Variants in CCDC141 observed in about 807,000 individuals in gnomAD.
CCDC141 encodes the protein coiled-coil domain containing 141, also known as coiled-coil domain-containing protein 141.
In CCDC141, 168 loss-of-function variants were observed where a neutral mutation model predicts 181.0. That is an observed-to-expected ratio of 0.93 (90% CI 0.82 to 1.05). CCDC141 has a LOEUF of 1.05. CCDC141 is among the 50% of genes least tolerant of loss of function. CCDC141 has a pLI of 0.00. For synonymous variants in CCDC141, 666 were observed against 642.3 expected (o/e 1.04, Z -0.56); for missense variants, 1,902 against 1,788.5 (o/e 1.06, Z -1.14).
chr2:178,951,281 G>C (rs527603093), intron 5 of CCDC141, among the ~76,000 whole-genome samples: 2 of 152,330 alleles, frequency 1.3e-5, no homozygotes, highest in South Asian at 4.1e-4. Flanking sequence ...CACTGTGTGT[G>C]TGAGATAAAG....
chr2:178,917,541 G>A (rs1368877150), intron 7 of CCDC141, among the ~76,000 whole-genome samples: 1 of 152,144 alleles, frequency 6.6e-6, no homozygotes, highest in African/African-American at 2.4e-5. Flanking sequence ...AATGTACCTA[G>A]GTTCCAGGGT....
the CCDC141 span, among the ~76,000 whole-genome samples, chr2:178,816,464 C>G: frequency 6.6e-6 from 1 of 152,170 alleles, no homozygotes; most frequent in Admixed American, 6.5e-5. Flanking sequence ...TTGTTTGCTT[C>G]CAAGTTTTCG....
intron 2 of CCDC141, among the ~76,000 whole-genome samples, chr2:179,011,909 A>C (rs187092507): frequency 3.3e-5 from 5 of 152,274 alleles, no homozygotes; most frequent in African/African-American, 4.8e-5. Flanking sequence ...AAATTTAAAA[A>C]TTCTTCAAAC....
At chr2:178,960,346 C>A (rs939982868) in intron 5 of CCDC141, among the ~76,000 whole-genome samples, 1 of 152,090 alleles carries the variant, frequency 6.6e-6, no homozygotes, top group Admixed American at 6.6e-5. Flanking sequence ...GAAATAAGAA[C>A]CAGTTTCTCT....
chr2:178,953,429 T>A (rs1350385059), intron 5 of CCDC141, among the ~76,000 whole-genome samples: 3 of 134,452 alleles, frequency 2.2e-5, no homozygotes, highest in Non-Finnish European at 4.9e-5. Flanking sequence ...AGAGCGAGAC[T>A]CCCTCTCAAA....
At chr2:178,867,523 G>T (rs920994784) in intron 16 of CCDC141, among the ~76,000 whole-genome samples, 1 of 151,994 alleles carries the variant, frequency 6.6e-6, no homozygotes, top group African/African-American at 2.4e-5. Flanking sequence ...TTCCTCATTT[G>T]TTGCTAAATT....
intron 6 of CCDC141, among the ~76,000 whole-genome samples, chr2:178,930,711 A>AT (rs1324241052): frequency 2.0e-5 from 3 of 152,070 alleles, no homozygotes; most frequent in Non-Finnish European, 4.4e-5. Context: ...GAGAAAGAAT[A>AT]TTTTTTTCCA....
chr2:178,957,503 G>A (rs572717999), intron 5 of CCDC141, among the ~76,000 whole-genome samples: 19 of 152,270 alleles, frequency 1.2e-4, no homozygotes, highest in African/African-American at 4.1e-4. Flanking sequence ...TTGAAAAATA[G>A]TTTAGCAGTT....
chr2:178,934,462 T>C (rs1689209968), intron 6 of CCDC141, among the ~76,000 whole-genome samples: 1 of 152,184 alleles, frequency 6.6e-6, no homozygotes, highest in East Asian at 1.9e-4. Context: ...TGGTTTATAA[T>C]CATCCATGTC....
intron 10 of CCDC141, among the ~76,000 whole-genome samples, 152 bp from the exon 11 acceptor site, chr2:178,885,244 T>TTAAA (rs535328260): frequency 2.2e-5 from 3 of 137,154 alleles, no homozygotes; most frequent in African/African-American, 8.0e-5. Context: ...TCCAAAATTC[T>TTAAA]AAAAAAAAAA....
At chr2:178,865,057 A>G (rs1032380562) in intron 17 of CCDC141, among the ~76,000 whole-genome samples, 8 of 152,174 alleles carry the variant, frequency 5.3e-5, no homozygotes, top group Non-Finnish European at 1.2e-4. Flanking sequence ...CTTAGCTAGG[A>G]GCAGGTGGTG....
intron 5 of CCDC141, 96 bp downstream of exon 5, chr2:178,961,134 A>G (rs1343359375): frequency 1.1e-5 from 15 of 1,337,120 alleles, no homozygotes; most frequent in African/African-American, 1.5e-5. Context: ...AAAAGATTTG[A>G]CCATGAAGAC....
At chr2:178,861,209 C>T (rs897126929) in intron 17 of CCDC141, among the ~76,000 whole-genome samples, 8 of 151,856 alleles carry the variant, frequency 5.3e-5, no homozygotes, top group Admixed American at 1.3e-4. Flanking sequence ...CTCTCTTGTC[C>T]AGGCTAGAGT....
chr2:179,023,176 T>C (rs1397992661), intron 2 of CCDC141, among the ~76,000 whole-genome samples: 1 of 152,218 alleles, frequency 6.6e-6, no homozygotes, highest in African/African-American at 2.4e-5. Flanking sequence ...AAAATGGAGA[T>C]TAAAAATAAT....
intron 4 of CCDC141, among the ~76,000 whole-genome samples, chr2:178,964,223 A>G (rs1406166618): frequency 6.6e-6 from 1 of 152,158 alleles, no homozygotes; most frequent in African/African-American, 2.4e-5. Context: ...TTTCCTTTGC[A>G]TTGAAGAGCT....
At chr2:179,046,273 G>A (rs902617316) in intron 2 of CCDC141, among the ~76,000 whole-genome samples, 1 of 152,208 alleles carries the variant, frequency 6.6e-6, no homozygotes, top group Non-Finnish European at 1.5e-5. Flanking sequence ...CCTCAGAATG[G>A]AACACCATTT....
At chr2:178,939,410 G>A (rs1449938395) in intron 6 of CCDC141, among the ~76,000 whole-genome samples, 1 of 152,098 alleles carries the variant, frequency 6.6e-6, no homozygotes, top group Non-Finnish European at 1.5e-5. Context: ...AATAAGGTTG[G>A]ATGCCATAGT....
chr2:178,914,463 C>T (rs936536642), intron 7 of CCDC141, among the ~76,000 whole-genome samples: 2 of 152,168 alleles, frequency 1.3e-5, no homozygotes, highest in Non-Finnish European at 2.9e-5. Context: ...GCTGCTCACT[C>T]CAGGTCCAAA....
chr2:178,993,617 C>T (rs1332559904), intron 2 of CCDC141, among the ~76,000 whole-genome samples: 1 of 152,120 alleles, frequency 6.6e-6, no homozygotes, highest in Non-Finnish European at 1.5e-5. Flanking sequence ...AATCTCATGT[C>T]CTTATATTGA....
Sources: gnomAD v4.1 joint callset for allele counts (sites outside exome capture counted in the v4.1 genomes callset) on GRCh38, gnomAD v4.1.1 for gene constraint, MANE v1.5 for transcripts, NCBI Gene and HGNC (gene_info 2026-07-23, HGNC 2026-07-21) for gene names.